ARHGEF4: variants seen among roughly 807,000 people sequenced by gnomAD.
ARHGEF4 encodes Rho guanine nucleotide exchange factor 4, also known as APC-stimulated guanine nucleotide exchange factor 1.
A neutral mutation model predicts 162.0 loss-of-function variants in ARHGEF4; 119 were observed. That is an observed-to-expected ratio of 0.73 (90% confidence interval 0.63 to 0.86). The LOEUF (loss-of-function observed/expected upper bound fraction) is 0.86, where lower values mean the gene tolerates loss of function less well. ARHGEF4 is among the 40% of genes least tolerant of loss of function. The pLI is 0.00. For missense variants in ARHGEF4, 2,488 were observed against 2,456.0 expected (o/e 1.01, Z -0.28); for synonymous variants, 1,014 against 979.9 (o/e 1.03, Z -0.65).
chr2:130,994,933 C>T (rs1167913599), intron 4 of ARHGEF4, among the ~76,000 whole-genome samples: 1 of 152,204 alleles, frequency 6.6e-6, no homozygotes, highest in Non-Finnish European at 1.5e-5. Context: ...CAGAGTCAGC[C>T]TGACTCCTCC....
chr2:130,963,651 CTGCGTGCGCGCG>C (rs1213571944), intron 4 of ARHGEF4: 1 of 147,044 alleles, frequency 6.8e-6, no homozygotes, highest in Non-Finnish European at 1.5e-5. Context: ...CGCTCCAGGC[CTGCGTGCGCGCG>C]TGCGTGAGCG....
intron 1 of ARHGEF4, among the ~76,000 whole-genome samples, chr2:130,839,926 A>G (rs571000277): frequency 2.0e-5 from 3 of 152,284 alleles, no homozygotes; most frequent in East Asian, 1.9e-4. Flanking sequence ...TCCAAGACCT[A>G]TTAGTGTGCA....
intron 4 of ARHGEF4, among the ~76,000 whole-genome samples, chr2:130,951,716 C>T (rs1186745629): frequency 1.3e-5 from 2 of 151,980 alleles, no homozygotes; most frequent in Non-Finnish European, 2.9e-5. Flanking sequence ...TTAATGGTAG[C>T]TTTAGCGTTT....
At chr2:130,850,295 C>G (rs1051722511) in intron 1 of ARHGEF4, among the ~76,000 whole-genome samples, 6 of 152,206 alleles carry the variant, frequency 3.9e-5, no homozygotes, top group African/African-American at 4.8e-5. Flanking sequence ...CCTGCTGTGT[C>G]CCTGGTACCC....
chr2:130,998,662 T>C (rs897267631), intron 4 of ARHGEF4, among the ~76,000 whole-genome samples: 1 of 152,254 alleles, frequency 6.6e-6, no homozygotes, highest in African/African-American at 2.4e-5. Flanking sequence ...TTTTTCTCTC[T>C]TGCTGAATAA....
chr2:130,891,765 C>T (rs557771688), intron 1 of ARHGEF4, among the ~76,000 whole-genome samples: 19 of 152,248 alleles, frequency 1.2e-4, no homozygotes, highest in South Asian at 1.0e-3. Context: ...TCTCATACAA[C>T]CTTCATTACC....
In ARHGEF4 at chr2:131,038,842, T is replaced by G. The variant is rs113820567; in HGVS notation, c.4126-11T>G. On this transcript the variant is annotated splice_polypyrimidine_tract_variant and intron_variant, in intron 5 of 13. Coordinates refer to ENST00000409359, the MANE Select transcript of ARHGEF4 (RefSeq NM_001367493.1). Reference sequence around the variant, plus strand: ...CCCCACTGACCCGCCTGCCCGTGGCTCTCTCGGCAGCTCATCAGCGATGGC... The same window carrying G: ...CCCCACTGACCCGCCTGCCCGTGGCGCTCTCGGCAGCTCATCAGCGATGGC... 4,214 of 1,596,260 alleles carry G rather than the reference T, an allele frequency of 2.6e-3. 6 individuals carry two copies. The highest frequency in any genetic ancestry group is 3.4e-3 in the Middle Eastern group (20 of 5,812).
At chr2:130,868,998 A>G (rs1340831654) in intron 1 of ARHGEF4, among the ~76,000 whole-genome samples, 1 of 152,204 alleles carries the variant, frequency 6.6e-6, no homozygotes, top group Non-Finnish European at 1.5e-5. Context: ...AATCTGGGTT[A>G]TCTCCCCATC....
chr2:130,984,492 A>C (rs1686339592), intron 4 of ARHGEF4, among the ~76,000 whole-genome samples: 1 of 152,160 alleles, frequency 6.6e-6, no homozygotes, highest in Non-Finnish European at 1.5e-5. Flanking sequence ...GGAGTTCAAG[A>C]CCAGCCTGGC....
Position 130,917,145 on chromosome 2 carries a change from G to C in ARHGEF4, c.3199G>C (p.Ala1067Pro). Residue 1067 changes from alanine to proline, a missense_variant, in exon 2 of 14, where the codon GCA becomes CCA. Physicochemically the swap from Ala to Pro is conservative, Grantham distance 27. Transcript: ENST00000409359. Reference protein sequence around the residue: ...GSPRAQQAGIAHTLPSSSACC... With the variant: ...GSPRAQQAGIPHTLPSSSACC... ...CCCTCGGGCCCAGCAGGCTGGAATC[G>C]CACACACCCTGCCTTCCAGCTCTGC... The C allele has an allele frequency of 1.3e-6, 2 of 1,550,464 alleles. No homozygotes were observed. The highest frequency in any genetic ancestry group is 1.7e-6 in the Non-Finnish European group (2 of 1,146,962).
chr2:130,940,789 G>A lies in ARHGEF4; in HGVS notation c.3859-5720G>A, dbSNP rs189722972. Among the ~76,000 whole-genome samples the A allele has an allele frequency of 8.1e-3, 1,145 of 141,538 alleles. 7 individuals are homozygous for A. Among genetic ancestry groups the A allele is most frequent in the Middle Eastern group, 0.02 (5 of 254 alleles). The allele number at this position is 141,538 out of a possible 152,430, so 92.9% of individuals were successfully genotyped here. A position where few individuals can be genotyped will look rare whatever the true frequency, so the allele number is the denominator to read the frequency against. ...AGAGCTTGCAGTGAGCCGAGACTGC[G>A]CCACTGCACTCTAGCCTGGGTGACA... On this transcript the variant is annotated intron_variant, in intron 3 of 13. Coordinates refer to ENST00000409359, the MANE Select transcript of ARHGEF4 (RefSeq NM_001367493.1).
intron 10 of ARHGEF4, among the ~76,000 whole-genome samples, chr2:131,042,251 T>C (rs1459763719): frequency 6.6e-6 from 1 of 152,230 alleles, no homozygotes; most frequent in African/African-American, 2.4e-5. Flanking sequence ...TCTGTTCCTC[T>C]GCCTTCAGGG....
In ARHGEF4 at chr2:131,044,175, G is replaced by C. The variant is rs61318464; in HGVS notation, c.5158-124G>C. On this transcript the variant is annotated intron_variant, in intron 11 of 13. Coordinates refer to ENST00000409359, the MANE Select transcript of ARHGEF4 (RefSeq NM_001367493.1). Reference sequence around the variant, plus strand: ...CATGCTCTGCCCTCAGGATCTCACTGTCTGCTGGGGAGGTGGAGGCATCAC... The same window carrying C: ...CATGCTCTGCCCTCAGGATCTCACTCTCTGCTGGGGAGGTGGAGGCATCAC... The C allele has an allele frequency of 8.1e-3, 11,426 of 1,403,466 alleles. 768 individuals are homozygous for C. In the African/African-American group the frequency reaches 0.14, roughly 18 times the overall value. 86.9% of individuals were successfully genotyped at this position (1,403,466 alleles called of 1,614,324 possible). A position where few individuals can be genotyped will look rare whatever the true frequency, so the allele number is the denominator to read the frequency against.
intron 1 of ARHGEF4, among the ~76,000 whole-genome samples, chr2:130,865,136 T>C (rs552804609): frequency 6.6e-6 from 1 of 152,274 alleles, no homozygotes; most frequent in African/African-American, 2.4e-5. Flanking sequence ...TTTTAAAGCA[T>C]TTAGGGAGGG....
At chr2:130,905,832 C>T (rs1242847824) in intron 1 of ARHGEF4, among the ~76,000 whole-genome samples, 1 of 152,074 alleles carries the variant, frequency 6.6e-6, no homozygotes. Context: ...TATGTATGTA[C>T]AGGAAATATC....
At chr2:130,852,420 G>A (rs1451850188) in intron 1 of ARHGEF4, among the ~76,000 whole-genome samples, 1 of 152,170 alleles carries the variant, frequency 6.6e-6, no homozygotes, top group Non-Finnish European at 1.5e-5. Context: ...ACAACATCGG[G>A]GTGCCGTTCT....
intron 2 of ARHGEF4, among the ~76,000 whole-genome samples, chr2:130,930,037 G>GC (rs35301464): frequency 0.81 from 123,366 of 151,854 alleles, 51,661 homozygotes; most frequent in East Asian, 1. Context: ...GGGACTACAG[G>GC]GCCCACCACC....
chr2:131,003,730 A>G (rs1363027738), intron 4 of ARHGEF4, among the ~76,000 whole-genome samples: 1 of 152,206 alleles, frequency 6.6e-6, no homozygotes, highest in Non-Finnish European at 1.5e-5. Context: ...TGCTAGACCG[A>G]GCCTGAAATG....
chr2:131,005,487 C>T (rs894319624), intron 4 of ARHGEF4, among the ~76,000 whole-genome samples: 1 of 152,198 alleles, frequency 6.6e-6, no homozygotes, highest in Non-Finnish European at 1.5e-5. Context: ...ACTGCCCAGT[C>T]CTGTTCTGTG....
Sources: gnomAD v4.1 joint callset for allele counts (sites outside exome capture counted in the v4.1 genomes callset) on GRCh38, gnomAD v4.1.1 for gene constraint, MANE v1.5 for transcripts, NCBI Gene and HGNC (gene_info 2026-07-23, HGNC 2026-07-21) for gene names.